The following CDC73 variants were observed in gnomAD, a reference collection of about 807,000 sequenced individuals.
CDC73 encodes the protein parafibromin.
A neutral mutation model predicts 83.7 loss-of-function variants in CDC73; 21 were observed. That is an observed-to-expected ratio of 0.25 (90% CI 0.18 to 0.36). The LOEUF is 0.36. Ranked by LOEUF, CDC73 falls within the 10% of genes least tolerant of loss-of-function variation. The probability of loss-of-function intolerance (pLI) is 1.00; values close to 1 mark genes in which losing one functional copy is unlikely to be tolerated. For synonymous variants in CDC73, 224 were observed against 212.9 expected (o/e 1.05, Z -0.45); for missense variants, 342 against 653.3 (o/e 0.52, Z 5.19).
intron 13 of CDC73, among the ~76,000 whole-genome samples, chr1:193,213,000 A>G (rs931138732): frequency 6.6e-6 from 1 of 152,172 alleles, no homozygotes; most frequent in Non-Finnish European, 1.5e-5. Context: ...GAATACAGTC[A>G]CACTTGTACC....
chr1:193,175,197 T>C (rs1437166048), intron 10 of CDC73, among the ~76,000 whole-genome samples: 2 of 152,198 alleles, frequency 1.3e-5, no homozygotes, highest in African/African-American at 4.8e-5. Flanking sequence ...CCTAGCTTTG[T>C]GTTTTGAAAG....
At position 193,122,191 on chromosome 1, in the gene CDC73, G is replaced by T. The variant is rs188082584; in HGVS notation, c.-10G>T. On this transcript the variant is annotated 5_prime_UTR_variant, in exon 1 of 17. Transcript: ENST00000367435. ...GGCGCCCCGAGCCGGCGGAGGCGAG[G>T]GGGGGGAAGATGGCGGACGTGCTTA... is the stretch of plus-strand genomic sequence containing the variant. 523 of 1,612,742 alleles carry T rather than the reference G, an allele frequency of 3.2e-4. 4 individuals carry two copies. In the East Asian group the frequency reaches 6.9e-3, roughly 21 times the overall value.
chr1:193,181,524 C>T (rs1676716767), intron 10 of CDC73: 1 of 1,607,542 alleles, frequency 6.2e-7, no homozygotes, highest in Non-Finnish European at 8.5e-7. Context: ...TCCAGGTCAT[C>T]TTTGCAAAGC....
rs1209114984 is a variant in CDC73 at position 193,147,846 on chromosome 1, T to G, written c.730-21T>G. On this transcript the variant is annotated intron_variant, in intron 7 of 16. Transcript: ENST00000367435. ...ATTGTATATTTAAAGTGGGCTTAAT[T>G]AAAATCCATTTATATTTTAGAATTT... The G allele has an allele frequency of 3.7e-6, 5 of 1,365,354 alleles. No individual in the cohort carries two copies. In the South Asian group the frequency reaches 4.8e-5, roughly 13 times the overall value. 84.6% of individuals were successfully genotyped at this position (1,365,354 alleles called of 1,614,324 possible). A position where few individuals can be genotyped will look rare whatever the true frequency, so the allele number is the denominator to read the frequency against.
At chr1:193,182,167 G>A (rs1676727947) in intron 10 of CDC73, among the ~76,000 whole-genome samples, 1 of 152,042 alleles carries the variant, frequency 6.6e-6, no homozygotes, top group South Asian at 2.1e-4. Flanking sequence ...GGTTGATTAT[G>A]GCAGAGTTCT....
rs139789024 is a variant in CDC73 at position 193,207,197 on chromosome 1, G to A, written c.1030+3345G>A. ...TTTATTAGGGATTTTAAAAAGGGAGGGGTTTTTATTAGGGATTTTAAAAGG... is the reference window on the plus strand; with the variant it reads ...TTTATTAGGGATTTTAAAAAGGGAGAGGTTTTTATTAGGGATTTTAAAAGG... On this transcript the variant is annotated intron_variant, in intron 11 of 16. Transcript: ENST00000367435. 5.5e-4 allele frequency among the ~76,000 whole-genome samples: 84 copies of A among 152,168 alleles called. 2 individuals carry two copies. The East Asian group carries it at 0.016, about 29-fold the overall frequency.
At chr1:193,215,873 A>G (rs1677358866) in intron 13 of CDC73, among the ~76,000 whole-genome samples, 1 of 152,194 alleles carries the variant, frequency 6.6e-6, no homozygotes, top group Admixed American at 6.5e-5. Flanking sequence ...TACAGGGATG[A>G]GCCACCATGC....
chr1:193,179,332 C>T (rs1676670045), intron 10 of CDC73: 1 of 152,244 alleles, frequency 6.6e-6, no homozygotes, highest in Non-Finnish European at 1.5e-5. Flanking sequence ...GGCAGACATG[C>T]ATCTTAAAAA....
intron 10 of CDC73, among the ~76,000 whole-genome samples, chr1:193,165,286 C>A (rs560076115): frequency 1.3e-5 from 2 of 152,262 alleles, no homozygotes; most frequent in South Asian, 4.1e-4. Flanking sequence ...GCTGCAAAGA[C>A]ATTACAATTT....
At position 193,150,518 on chromosome 1, in the gene CDC73, A is replaced by T. The variant is rs1013027009; in HGVS notation, c.907+136A>T. On this transcript the variant is annotated intron_variant, in intron 9 of 16. Coordinates refer to ENST00000367435, the MANE Select transcript of CDC73 (RefSeq NM_024529.5). Reference sequence around the variant, plus strand: ...ATCTTACCCACTGCAATTTTTCTTAAATAACATTTTGTTGGGACACAACCA... The same window carrying T: ...ATCTTACCCACTGCAATTTTTCTTATATAACATTTTGTTGGGACACAACCA... 10 of 672,602 alleles carry T rather than the reference A, an allele frequency of 1.5e-5. No homozygotes were observed. The South Asian group carries it at 1.6e-4, about 11-fold the overall frequency. 41.7% of individuals were successfully genotyped at this position (672,602 alleles called of 1,614,324 possible).
At chr1:193,238,494 C>T (rs1677802302) in intron 15 of CDC73, among the ~76,000 whole-genome samples, 1 of 152,176 alleles carries the variant, frequency 6.6e-6, no homozygotes, top group African/African-American at 2.4e-5. Flanking sequence ...CTCCTTTACT[C>T]CTTTTTAAGT....
At chr1:193,248,144 A>G (rs1327598342) in intron 15 of CDC73, among the ~76,000 whole-genome samples, 1 of 152,044 alleles carries the variant, frequency 6.6e-6, no homozygotes, top group Non-Finnish European at 1.5e-5. Flanking sequence ...ACAGATGGGG[A>G]CTTTGAGTTG....
chr1:193,138,307 G>A (rs533637073), intron 6 of CDC73, 134 bp downstream of exon 6: 18 of 710,284 alleles, frequency 2.5e-5, no homozygotes, highest in African/African-American at 1.1e-4. Context: ...TCTTAAGTTC[G>A]TAAGAACATG....
intron 15 of CDC73, among the ~76,000 whole-genome samples, chr1:193,239,448 T>G (rs1445719225): frequency 1.3e-5 from 2 of 152,192 alleles, no homozygotes; most frequent in Non-Finnish European, 2.9e-5. Flanking sequence ...ATAATTATAA[T>G]GAAATACATC....
At chr1:193,126,152 T>G (rs929180509) in intron 2 of CDC73, among the ~76,000 whole-genome samples, 3 of 152,190 alleles carry the variant, frequency 2.0e-5, no homozygotes, top group Non-Finnish European at 2.9e-5. Context: ...GAAAAACTTG[T>G]AAGCCTGTGG....
chr1:193,236,107 C>T (rs994706400), intron 14 of CDC73, 149 bp from the exon 15 acceptor site: 4 of 730,606 alleles, frequency 5.5e-6, no homozygotes, highest in Admixed American at 1.8e-5. Flanking sequence ...GTGGTAAGTA[C>T]TGTATTTGCT....
chr1:193,247,814 G>A (rs1377452041), intron 15 of CDC73, among the ~76,000 whole-genome samples: 5 of 152,104 alleles, frequency 3.3e-5, no homozygotes, highest in African/African-American at 1.2e-4. Context: ...TGTGAAGGCT[G>A]AGAGAGGAGA....
At chr1:193,196,836 T>C (rs1202776190) in intron 10 of CDC73, among the ~76,000 whole-genome samples, 1 of 152,238 alleles carries the variant, frequency 6.6e-6, no homozygotes, top group African/African-American at 2.4e-5. Context: ...ATTATTAATA[T>C]AACTTTTTTG....
rs752027731 is a variant in CDC73, at chr1:193,230,457, A to ATT, written c.1155-2509_1155-2508dup. Among the ~76,000 whole-genome samples the ATT allele has an allele frequency of 1.0e-3, 93 of 90,730 alleles. 4 individuals are homozygous for ATT. Among genetic ancestry groups the ATT allele is most frequent in the Non-Finnish European group, 1.2e-3 (57 of 48,820 alleles). 59.5% of individuals were successfully genotyped at this position (90,730 alleles called of 152,430 possible). A position where few individuals can be genotyped will look rare whatever the true frequency, so the allele number is the denominator to read the frequency against. ...CCACTGCACCTCGCCCTAATCCCGT[A>ATT]TTTTTTTTTTTTTTTTTTTTTTTTT... On this transcript the variant is annotated intron_variant, in intron 13 of 16. Transcript: ENST00000367435.
Sources: allele counts gnomAD v4.1 joint callset (sites outside exome capture counted in the v4.1 genomes callset), GRCh38; gene constraint gnomAD v4.1.1; transcripts MANE v1.5; gene names NCBI Gene and HGNC (gene_info 2026-07-23, HGNC 2026-07-21).